BRWD3: variants seen among roughly 807,000 people sequenced by gnomAD.
BRWD3 encodes bromodomain and WD repeat-containing protein 3.
Under a neutral mutation model 149.7 loss-of-function variants are expected in BRWD3, and 10 were observed. The ratio of observed to expected loss-of-function variants is 0.07; its 90% CI spans 0.04 to 0.11. The LOEUF (loss-of-function observed/expected upper bound fraction) is 0.11. BRWD3 is among the 10% of genes least tolerant of loss of function. The probability of loss-of-function intolerance (pLI) is 1.00; values close to 1 mark genes in which losing one functional copy is unlikely to be tolerated. For synonymous variants in BRWD3, 504 were observed against 456.7 expected (o/e 1.10, Z -1.32); for missense variants, 940 against 1,373.2 (o/e 0.68, Z 4.99).
intron 4 of BRWD3, among the ~76,000 whole-genome samples, chrX:80,795,711 T>C (rs2074231937): frequency 1.8e-5 from 2 of 108,299 alleles, no homozygotes; most frequent in South Asian, 8.1e-4. Flanking sequence ...CGAGATCTCA[T>C]CCCTACAAAA....
chrX:80,796,350 C>T (rs1193994862), intron 4 of BRWD3, among the ~76,000 whole-genome samples: 1 of 110,582 alleles, frequency 9.0e-6, no homozygotes, highest in Non-Finnish European at 1.9e-5. Context: ...AGGCTGGTCT[C>T]GAACTCCTGA....
At chrX:80,725,677 C>T (rs1225409332) in intron 14 of BRWD3, among the ~76,000 whole-genome samples, 3 of 110,837 alleles carry the variant, frequency 2.7e-5, no homozygotes, top group Non-Finnish European at 5.8e-5. Flanking sequence ...GCCTATATAA[C>T]ATATAACATG....
chrX:80,699,902 C>A (rs892793182), intron 25 of BRWD3, 55 bp downstream of exon 25: 22 of 908,671 alleles, frequency 2.4e-5, no homozygotes, highest in Admixed American at 1.2e-4. Flanking sequence ...CATGGGTAAG[C>A]AATTTAATTC....
chrX:80,749,229 A>G (rs769919350), intron 6 of BRWD3, among the ~76,000 whole-genome samples: 1 of 111,325 alleles, frequency 9.0e-6, no homozygotes, highest in African/African-American at 3.3e-5. Flanking sequence ...TTCCTTATTG[A>G]TTTTCTGTCT....
intron 6 of BRWD3, among the ~76,000 whole-genome samples, chrX:80,755,968 A>C (rs1183727681): frequency 8.9e-6 from 1 of 111,915 alleles, no homozygotes; most frequent in Non-Finnish European, 1.9e-5. Flanking sequence ...AAGAATGAGG[A>C]AATTTTTAAA....
At position 80,690,005 on chromosome X, in the gene BRWD3, T is replaced by C. The variant is rs797045419; in HGVS notation, c.3690A>G (p.Ala1230=). The C allele has an allele frequency of 2.5e-6, 3 of 1,209,164 alleles. No individual in the cohort carries two copies. Among genetic ancestry groups the C allele is most frequent in the Admixed American group, 4.4e-5 (2 of 45,942 alleles). The change falls in exon 32 of 41, where the codon GCA becomes GCG. Residue 1230 remains alanine (A), a synonymous_variant. Transcript: ENST00000373275. ...FNEPDSPIVK[A]AKIVTDVLLR... Reference sequence around the variant, plus strand: ...GTAAGACATCAGTTACAATTTTAGCTGCTTTAACTATAGGACTGTCTGGCT... The same window carrying C: ...GTAAGACATCAGTTACAATTTTAGCCGCTTTAACTATAGGACTGTCTGGCT...
At chrX:80,745,433 A>C in intron 7 of BRWD3, 136 bp downstream of exon 7, 1 of 514,371 alleles carries the variant, frequency 1.9e-6, no homozygotes. Context: ...ACTTTTTTCA[A>C]TTTCCACTCA....
chrX:80,808,584 G>A lies in BRWD3; in HGVS notation c.135C>T (p.Arg45=), dbSNP rs1429784524. 1.7e-6 allele frequency: 2 copies of A among 1,205,545 alleles called. No individual in the cohort carries two copies. Among genetic ancestry groups the A allele is most frequent in the South Asian group, 1.8e-5 (1 of 56,507 alleles). The change falls in exon 4 of 41, where the codon CGC becomes CGT. Residue 45 remains arginine (R), a synonymous_variant. Transcript: ENST00000373275. The part of the protein sequence containing the change: ...ELEEHQLIPR[R]LDWEGKEHRR... ...GGTGCTCTTTCCCCTCCCAATCTAA[G>A]CGGCGCGGAATCAGCTGGGGGCCGG...
In BRWD3 at chrX:80,773,653, A is replaced by G. The variant is rs759790466; in HGVS notation, c.430+18201T>C. Among the ~76,000 whole-genome samples, 9 of 111,946 alleles carry G rather than the reference A, an allele frequency of 8.0e-5. No homozygotes were observed. In the South Asian group the frequency reaches 2.2e-3, roughly 28 times the overall value. On this transcript the variant is annotated intron_variant, in intron 6 of 40. Transcript: ENST00000373275. ...CATAATTCCTACTCTTCCAGGGCAT[A>G]AATTCTCCACTTGAAATAGACGGTC...
At chrX:80,795,495 ATATATG>A (rs759175217) in intron 4 of BRWD3, among the ~76,000 whole-genome samples, 39 of 109,759 alleles carry the variant, frequency 3.6e-4, no homozygotes, top group Non-Finnish European at 6.3e-4. Flanking sequence ...ATGTATGTGT[ATATATG>A]TATATGTATG....
At chrX:80,798,937 T>A (rs1002642317) in intron 4 of BRWD3, among the ~76,000 whole-genome samples, 1 of 112,126 alleles carries the variant, frequency 8.9e-6, no homozygotes, top group Non-Finnish European at 1.9e-5. Context: ...CTTGTCCAAT[T>A]GTTACAATGA....
intron 6 of BRWD3, among the ~76,000 whole-genome samples, chrX:80,773,829 C>A (rs2073972758): frequency 8.9e-6 from 1 of 112,147 alleles, no homozygotes; most frequent in Non-Finnish European, 1.9e-5. Flanking sequence ...TCTTGCAATG[C>A]CCATTACACT....
intron 6 of BRWD3, among the ~76,000 whole-genome samples, chrX:80,757,325 G>A (rs980655611): frequency 8.9e-6 from 1 of 111,757 alleles, no homozygotes; most frequent in Non-Finnish European, 1.9e-5. Context: ...TTTTAGCCAG[G>A]AAAACAATGT....
chrX:80,704,603 A>G (rs2072835098), intron 23 of BRWD3, 75 bp downstream of exon 23: 2 of 935,310 alleles, frequency 2.1e-6, no homozygotes, highest in Non-Finnish European at 3.0e-6. Context: ...AGTCAATGTT[A>G]CAATTAAATA....
chrX:80,686,338 C>G (rs1231489290), intron 35 of BRWD3, among the ~76,000 whole-genome samples: 1 of 108,973 alleles, frequency 9.2e-6, no homozygotes, highest in Non-Finnish European at 1.9e-5. Context: ...GGGTGCAGCA[C>G]ACCAACACAC....
intron 6 of BRWD3, among the ~76,000 whole-genome samples, chrX:80,757,643 G>T (rs1204011387): frequency 8.9e-6 from 1 of 111,947 alleles, no homozygotes; most frequent in Non-Finnish European, 1.9e-5. Flanking sequence ...TTAGATATTT[G>T]TATTTAAAAT....
chrX:80,736,232 A>G (rs754722545), intron 8 of BRWD3, 144 bp from the exon 9 acceptor site: 1 of 392,513 alleles, frequency 2.5e-6, no homozygotes, highest in Non-Finnish European at 4.4e-6. Context: ...GGGACTATTT[A>G]ACTTTCCTAG....
chrX:80,688,260 G>C (rs768749794), intron 33 of BRWD3, 135 bp from the exon 34 acceptor site: 2 of 517,104 alleles, frequency 3.9e-6, no homozygotes, highest in African/African-American at 2.3e-5. Context: ...TAGAACAAAA[G>C]ATAGAGGGAG....
intron 6 of BRWD3, among the ~76,000 whole-genome samples, chrX:80,780,776 C>T (rs983311166): frequency 8.9e-6 from 1 of 111,945 alleles, no homozygotes; most frequent in Non-Finnish European, 1.9e-5. Context: ...CAAAACCTAG[C>T]AAAAGTATGA....
Sources: gnomAD v4.1 joint callset for allele counts (sites outside exome capture counted in the v4.1 genomes callset) on GRCh38, gnomAD v4.1.1 for gene constraint, MANE v1.5 for transcripts, NCBI Gene and HGNC (gene_info 2026-07-23, HGNC 2026-07-21) for gene names.